The following ACTN2 variants were observed in gnomAD, a reference collection of about 807,000 sequenced individuals.
ACTN2 encodes actinin alpha 2, also known as alpha-actinin-2.
Under a neutral mutation model 113.8 loss-of-function variants are expected in ACTN2, and 39 were observed. The ratio of observed to expected loss-of-function variants is 0.34; its 90% confidence interval spans 0.27 to 0.45. ACTN2 has a LOEUF of 0.45. ACTN2 is among the 20% of genes least tolerant of loss of function. The pLI is 1.00. For missense variants in ACTN2, 992 were observed against 1,177.9 expected, an observed-to-expected ratio of 0.84 and a Z score of 2.31; for synonymous variants, 429 against 444.1, an observed-to-expected ratio of 0.97 and a Z score of 0.43.
chr1:236,693,107 C>G lies in ACTN2; in HGVS notation c.126+6308C>G, dbSNP rs192774917. The stretch of plus-strand genomic sequence containing the variant: ...AGACAAATTTCAAAGGAAGGAAAAC[C>G]TTAAGTGCAAGAATTTGGCCTTTCT... On this transcript the variant is annotated intron_variant, in intron 1 of 20. Coordinates refer to ENST00000366578, the MANE Select transcript of ACTN2 (RefSeq NM_001103.4). Among the ~76,000 whole-genome samples, 31 of 151,816 alleles carry G rather than the reference C, an allele frequency of 2.0e-4. No homozygotes were observed. In the East Asian group the frequency reaches 6.0e-3, roughly 29 times the overall value.
At chr1:236,717,335 G>C (rs1164730748) in intron 1 of ACTN2, among the ~76,000 whole-genome samples, 1 of 152,102 alleles carries the variant, frequency 6.6e-6, no homozygotes, top group Non-Finnish European at 1.5e-5. Context: ...TACTTAGGGG[G>C]CTGAGGCAGG....
intron 12 of ACTN2, 49 bp from the exon 13 acceptor site, chr1:236,747,618 C>A: frequency 6.6e-7 from 1 of 1,525,404 alleles, no homozygotes; most frequent in Non-Finnish European, 9.0e-7. Context: ...TGTTCATTTT[C>A]TCTCATCATC....
intron 5 of ACTN2, among the ~76,000 whole-genome samples, chr1:236,726,724 G>A (rs1029730236): frequency 2.0e-5 from 3 of 152,214 alleles, no homozygotes; most frequent in African/African-American, 7.2e-5. Flanking sequence ...GGTTCTTCTA[G>A]TTGAACAAAT....
At position 236,762,563 on chromosome 1, in the gene ACTN2, G is replaced by C. The variant is rs754834889; in HGVS notation, c.2629G>C (p.Gly877Arg). 3 of 1,614,158 alleles carry C rather than the reference G, an allele frequency of 1.9e-6. No homozygotes were observed. Among genetic ancestry groups the C allele is most frequent in the Admixed American group, 3.3e-5 (2 of 60,030 alleles). Residue 877 changes from glycine to arginine, a missense_variant, in exon 21 of 21, where the codon GGT (glycine) becomes CGT (arginine). Around this residue, in one of 3 missense-constraint regions of ACTN2, gnomAD observed 736 missense variants for 815.4 expected, o/e 0.90. Transcript: ENST00000366578. ...PAYSGPGSVP[G>R]ALDYAAFSSA... ...CTACTCGGGCCCAGGCAGTGTGCCT[G>C]GTGCACTGGATTACGCTGCGTTCTC...
At chr1:236,716,259 G>T (rs893668653) in intron 1 of ACTN2, among the ~76,000 whole-genome samples, 1 of 152,046 alleles carries the variant, frequency 6.6e-6, no homozygotes, top group African/African-American at 2.4e-5. Flanking sequence ...GCCTGTTTTT[G>T]ATAGGTTGAA....
chr1:236,717,271 C>G (rs922030330), intron 1 of ACTN2, among the ~76,000 whole-genome samples: 2 of 151,922 alleles, frequency 1.3e-5, no homozygotes, highest in African/African-American at 4.8e-5. Context: ...TAGCAAGACC[C>G]CATCTCTAAA....
At chr1:236,699,763 A>T (rs1177410486) in intron 1 of ACTN2, among the ~76,000 whole-genome samples, 2 of 152,190 alleles carry the variant, frequency 1.3e-5, no homozygotes, top group Admixed American at 1.3e-4. Context: ...TTAAAGTTTT[A>T]TTATGGGAAA....
rs771101849 is a variant in ACTN2 at position 236,755,148 on chromosome 1, A to G, written c.2104A>G (p.Ile702Val). 6.2e-7 allele frequency: 1 copy of G among 1,614,206 alleles called. No homozygotes were observed. The highest frequency in any genetic ancestry group is 1.1e-5 in the South Asian group (1 of 91,084). The stretch of plus-strand genomic sequence containing the variant: ...CAAGCTGGAGGGAGACCATCAGCTC[A>G]TCCAGGAGGCCCTTGTCTTTGACAA... Reference protein sequence around the residue: ...IDKLEGDHQLIQEALVFDNKH... With the variant: ...IDKLEGDHQLVQEALVFDNKH... Residue 702 changes from isoleucine (I) to valine (V), a missense_variant, in exon 17 of 21, where the codon ATC becomes GTC. By Grantham distance (29) the Ile-to-Val change is conservative (BLOSUM62 3). This residue lies in a region of ACTN2 where 736 missense variants were observed against 815.4 expected (regional missense o/e 0.90). Coordinates refer to ENST00000366578, the MANE Select transcript of ACTN2 (RefSeq NM_001103.4).
chr1:236,690,243 T>C (rs1286248516), intron 1 of ACTN2, among the ~76,000 whole-genome samples: 1 of 152,170 alleles, frequency 6.6e-6, no homozygotes, highest in African/African-American at 2.4e-5. Context: ...TCGGATTAAA[T>C]AGAGAGCCTG....
At chr1:236,701,871 G>A (rs1426934056) in intron 1 of ACTN2, among the ~76,000 whole-genome samples, 1 of 152,158 alleles carries the variant, frequency 6.6e-6, no homozygotes, top group Non-Finnish European at 1.5e-5. Flanking sequence ...AATAGAACAA[G>A]TTCCCTCATT....
At position 236,686,845 on chromosome 1, in the gene ACTN2, C is replaced by T. The variant is rs776507046; in HGVS notation, c.126+46C>T. 2.2e-6 allele frequency: 3 copies of T among 1,353,676 alleles called. No homozygotes were observed. In the East Asian group the frequency reaches 9.7e-5, roughly 44 times the overall value. 83.9% of individuals were successfully genotyped at this position (1,353,676 alleles called of 1,614,324 possible). A position where few individuals can be genotyped will look rare whatever the true frequency, so the allele number is the denominator to read the frequency against. ...CGCCCGCGCGTGGTGGGGCCGGGTC[C>T]CCCGCGGGGCTCCCGTGCGCGTGGC... On this transcript the variant is annotated intron_variant, in intron 1 of 20. Transcript: ENST00000366578.
intron 2 of ACTN2, 85 bp from the exon 3 acceptor site, chr1:236,718,809 A>G: frequency 6.3e-7 from 1 of 1,593,856 alleles, no homozygotes; most frequent in East Asian, 2.2e-5. Context: ...TTTAAGGAAA[A>G]GATGGATGCT....
At chr1:236,727,831 A>G in intron 6 of ACTN2, 75 bp downstream of exon 6, 1 of 1,451,242 alleles carries the variant, frequency 6.9e-7, no homozygotes, top group Non-Finnish European at 9.7e-7. Context: ...GCACATCAGC[A>G]CTAGCCTAGC....
intron 1 of ACTN2, among the ~76,000 whole-genome samples, chr1:236,689,338 T>TATATACAC (rs1439126100): frequency 1.1e-3 from 47 of 41,172 alleles, no homozygotes; most frequent in Admixed American, 4.8e-3. Context: ...TATATATATA[T>TATATACAC]ACACACACAT....
At chr1:236,720,074 T>A in intron 3 of ACTN2, 31 bp from the exon 4 acceptor site, 1 of 1,450,288 alleles carries the variant, frequency 6.9e-7, no homozygotes. Flanking sequence ...TATGTTATCT[T>A]TACATTAATT....
chr1:236,686,703 C>T lies in ACTN2; in HGVS notation c.30C>T (p.Tyr10=), dbSNP rs2102851277. 4.5e-6 allele frequency: 7 copies of T among 1,567,836 alleles called. No homozygotes were observed. The highest frequency in any genetic ancestry group is 6.1e-6 in the Non-Finnish European group (7 of 1,156,986). The part of the protein sequence containing the change: MNQIEPGVQ[Y]NYVYDEDEYM... The stretch of plus-strand genomic sequence containing the variant: ...ACCAGATAGAGCCCGGCGTGCAGTA[C>T]AACTACGTGTACGACGAGGATGAGT... The change falls in exon 1 of 21, where the codon TAC becomes TAT. Residue 10 remains tyrosine, a synonymous_variant. Transcript: ENST00000366578.
chr1:236,688,869 G>T (rs1386065417), intron 1 of ACTN2, among the ~76,000 whole-genome samples: 3 of 152,138 alleles, frequency 2.0e-5, no homozygotes, highest in Non-Finnish European at 4.4e-5. Flanking sequence ...TCTATTGTGG[G>T]CTGCCTTCTC....
intron 1 of ACTN2, among the ~76,000 whole-genome samples, chr1:236,716,585 T>C (rs2102891345): frequency 6.6e-6 from 1 of 152,320 alleles, no homozygotes; most frequent in East Asian, 1.9e-4. Flanking sequence ...AAGGCAGGGT[T>C]GAATATAGTC....
chr1:236,749,392 C>A, intron 14 of ACTN2, 128 bp downstream of exon 14: 1 of 1,193,268 alleles, frequency 8.4e-7, no homozygotes, highest in Non-Finnish European at 1.2e-6. Context: ...GCTAGAAAGC[C>A]CAAATTACCC....
Sources: gnomAD v4.1 joint callset for allele counts (sites outside exome capture counted in the v4.1 genomes callset) on GRCh38, gnomAD v4.1.1 for gene constraint, gnomAD v4.1.1 regional missense constraint, MANE v1.5 for transcripts, NCBI Gene and HGNC (gene_info 2026-07-23, HGNC 2026-07-21) for gene names.